C2CD5: variants seen among roughly 807,000 people sequenced by gnomAD.
C2CD5 encodes C2 calcium dependent domain containing 5, also known as C2 domain-containing protein 5.
C2CD5 carries 109 observed loss-of-function variants against 130.3 expected under a neutral mutation model. That is an observed-to-expected ratio of 0.84 (90% CI 0.72 to 0.98). The LOEUF (loss-of-function observed/expected upper bound fraction) is 0.98, where lower values mean the gene tolerates loss of function less well. Ranked by LOEUF, C2CD5 falls within the 50% of genes least tolerant of loss-of-function variation. The pLI is 0.00. For synonymous variants in C2CD5, 454 were observed against 429.2 expected, an observed-to-expected ratio of 1.06 and a Z score of -0.71; for missense variants, 996 against 1,261.8, an observed-to-expected ratio of 0.79 and a Z score of 3.19.
At chr12:22,501,719 T>C (rs1947822323) in intron 10 of C2CD5, among the ~76,000 whole-genome samples, 2 of 152,124 alleles carry the variant, frequency 1.3e-5, no homozygotes, top group South Asian at 4.1e-4. Context: ...ACTTATCATA[T>C]GGTTTACCAG....
chr12:22,478,551 G>GTGGT, intron 14 of C2CD5, 74 bp from the exon 15 acceptor site: 1 of 1,346,846 alleles, frequency 7.4e-7, no homozygotes, highest in Non-Finnish European at 1.0e-6. Flanking sequence ...TCATATTTAA[G>GTGGT]AATGTGGTCA....
chr12:22,455,646 T>C (rs577188597), intron 25 of C2CD5, among the ~76,000 whole-genome samples: 17 of 152,344 alleles, frequency 1.1e-4, no homozygotes, highest in African/African-American at 3.8e-4. Context: ...ATAGTTTATT[T>C]TTCATCTTAA....
At chr12:22,494,132 C>T (rs1946706080) in intron 10 of C2CD5, among the ~76,000 whole-genome samples, 2 of 152,086 alleles carry the variant, frequency 1.3e-5, no homozygotes, top group South Asian at 4.2e-4. Flanking sequence ...CATTTAGCTG[C>T]AAACTACTGG....
At chr12:22,531,192 T>C (rs900759697) in intron 3 of C2CD5, among the ~76,000 whole-genome samples, 4 of 152,208 alleles carry the variant, frequency 2.6e-5, no homozygotes, top group African/African-American at 9.7e-5. Flanking sequence ...TAATGTAGTT[T>C]AAAATGCCAC....
At chr12:22,452,650 T>A (rs1309963366) in intron 26 of C2CD5, among the ~76,000 whole-genome samples, 2 of 152,232 alleles carry the variant, frequency 1.3e-5, no homozygotes, top group East Asian at 3.8e-4. Flanking sequence ...TTCTTCAACA[T>A]GTTAATGAAG....
Position 22,489,699 on chromosome 12 carries a change from C to G in C2CD5, c.1358+424G>C, listed in dbSNP as rs1331007214. Among the ~76,000 whole-genome samples the G allele has an allele frequency of 2.0e-5, 3 of 152,018 alleles. No individual in the cohort carries two copies. The East Asian group carries it at 5.8e-4, about 29-fold the overall frequency. Reference sequence around the variant, plus strand: ...CATATATATTATATCTACAGATAATCTTGATAAAATGCAGTACTTTTACTA... The same window carrying G: ...CATATATATTATATCTACAGATAATGTTGATAAAATGCAGTACTTTTACTA... On this transcript the variant is annotated intron_variant, in intron 12 of 26. Coordinates refer to ENST00000446597, the MANE Select transcript of C2CD5 (RefSeq NM_001286176.2).
chr12:22,502,924 A>G (rs770990999), intron 10 of C2CD5: 39 of 621,402 alleles, frequency 6.3e-5, no homozygotes, highest in Non-Finnish European at 1.1e-4. Context: ...CTGGAAAGAC[A>G]TAGACAGCAG....
At chr12:22,518,786 A>G (rs3817219) in intron 7 of C2CD5, among the ~76,000 whole-genome samples, 24,603 of 152,230 alleles carry the variant, frequency 0.16, 3,866 homozygotes, top group African/African-American at 0.41. Context: ...TCTAATCATC[A>G]ATTTTATTTT....
intron 22 of C2CD5, among the ~76,000 whole-genome samples, 192 bp downstream of exon 22, chr12:22,469,517 G>A (rs768372563): frequency 2.6e-5 from 4 of 152,014 alleles, no homozygotes; most frequent in African/African-American, 7.2e-5. Context: ...TAATAACTTA[G>A]AATGAAATTA....
At chr12:22,529,191 T>C (rs1427366737) in intron 3 of C2CD5, among the ~76,000 whole-genome samples, 1 of 152,212 alleles carries the variant, frequency 6.6e-6, no homozygotes, top group Non-Finnish European at 1.5e-5. Flanking sequence ...CTTGAAATTT[T>C]CCATAATGAA....
At chr12:22,522,785 T>C (rs1051778646) in intron 7 of C2CD5, among the ~76,000 whole-genome samples, 6 of 152,354 alleles carry the variant, frequency 3.9e-5, no homozygotes, top group African/African-American at 9.6e-5. Flanking sequence ...TTGGATTATC[T>C]GGTAGAGGGT....
intron 21 of C2CD5, among the ~76,000 whole-genome samples, chr12:22,470,552 T>C (rs562522970): frequency 6.6e-6 from 1 of 152,202 alleles, no homozygotes; most frequent in East Asian, 1.9e-4. Context: ...ACCCTTATAT[T>C]ACTGCAGAAT....
intron 6 of C2CD5, 144 bp from the exon 7 acceptor site, chr12:22,523,768 G>C (rs1436215400): frequency 3.2e-6 from 2 of 626,130 alleles, no homozygotes; most frequent in East Asian, 5.4e-5. Context: ...AAGATAATCT[G>C]GTTTAGCCTC....
intron 9 of C2CD5, among the ~76,000 whole-genome samples, chr12:22,511,094 A>G (rs924138885): frequency 5.9e-5 from 9 of 152,242 alleles, no homozygotes; most frequent in African/African-American, 2.2e-4. Flanking sequence ...GGAGTAAAGA[A>G]TAACACTTTC....
At chr12:22,515,115 G>A in intron 8 of C2CD5, 1 of 985,252 alleles carries the variant, frequency 1.0e-6, no homozygotes, top group Non-Finnish European at 1.2e-6. Flanking sequence ...GGGGAGCTGG[G>A]ACACAGGTAA....
intron 22 of C2CD5, among the ~76,000 whole-genome samples, chr12:22,466,415 T>TA (rs1314764474): frequency 3.9e-5 from 6 of 152,068 alleles, no homozygotes; most frequent in Non-Finnish European, 5.9e-5. Context: ...TTGCATATTT[T>TA]AAAAAAACAG....
chr12:22,506,393 C>T (rs573307787), intron 10 of C2CD5, among the ~76,000 whole-genome samples: 1 of 152,270 alleles, frequency 6.6e-6, no homozygotes, highest in African/African-American at 2.4e-5. Flanking sequence ...AAAGAACTAA[C>T]ATCTTAAACT....
chr12:22,513,684 CTT>C (rs1469181006), intron 8 of C2CD5, among the ~76,000 whole-genome samples: 1 of 151,994 alleles, frequency 6.6e-6, no homozygotes, highest in African/African-American at 2.4e-5. Flanking sequence ...AAAGCTGAGT[CTT>C]TTAATTAAAA....
intron 12 of C2CD5, 77 bp downstream of exon 12, chr12:22,490,046 T>C: frequency 9.8e-7 from 1 of 1,019,074 alleles, no homozygotes; most frequent in South Asian, 1.3e-5. Flanking sequence ...GGAGAAGAAT[T>C]ATCCCAACTC....
Sources: allele counts gnomAD v4.1 joint callset (sites outside exome capture counted in the v4.1 genomes callset), GRCh38; gene constraint gnomAD v4.1.1; transcripts MANE v1.5; gene names NCBI Gene and HGNC (gene_info 2026-07-23, HGNC 2026-07-21).